VASN: variants seen among roughly 807,000 people sequenced by gnomAD.
VASN encodes the protein vasorin, also known as protein slit-like 2.
In VASN, 5 loss-of-function variants were observed where a neutral mutation model predicts 4.8. The ratio of observed to expected loss-of-function variants is 1.03; its 90% CI spans 0.54 to 2.17. VASN has a LOEUF of 2.17. Ranked by LOEUF, VASN falls within the 30% of genes most tolerant of loss-of-function variation. The pLI is 0.01. For synonymous variants in VASN, 499 were observed against 460.8 expected (o/e 1.08, Z -1.06); for missense variants, 927 against 948.8 (o/e 0.98, Z 0.30).
chr16:4,373,828 G>A (rs1452908848), intron 1 of VASN, among the ~76,000 whole-genome samples: 1 of 152,172 alleles, frequency 6.6e-6, no homozygotes, highest in African/African-American at 2.4e-5. Flanking sequence ...CAGACAGCCA[G>A]TCCTGCCAGT....
Position 4,381,445 on chromosome 16 carries a change from G to T in VASN, c.568G>T (p.Asp190Tyr). Residue 190 changes from aspartate to tyrosine, a missense_variant, in exon 2 of 2, where the codon GAC (aspartate) becomes TAC (tyrosine). Asp to Tyr is a radical substitution (Grantham distance 160). Transcript: ENST00000304735. The stretch of plus-strand genomic sequence containing the variant: ...CCTGGCCCTGGAGCCCGGCATCCTG[G>T]ACACTGCCAACGTGGAGGCGCTGCG... ...SLLALEPGIL[D>Y]TANVEALRLA... is the part of the protein sequence containing the mutation. 6.3e-7 allele frequency: 1 copy of T among 1,580,542 alleles called. No homozygotes were observed. Among genetic ancestry groups the T allele is most frequent in the East Asian group, 2.3e-5 (1 of 42,806 alleles).
chr16:4,375,298 C>T (rs563111822), intron 1 of VASN, among the ~76,000 whole-genome samples: 2 of 152,298 alleles, frequency 1.3e-5, no homozygotes, highest in South Asian at 2.1e-4. Context: ...GTGCCTGCCC[C>T]TCTCCCAGCC....
In VASN at chr16:4,381,415, A is replaced by T; in HGVS notation, c.538A>T (p.Ser180Cys). 4 of 1,584,626 alleles carry T rather than the reference A, an allele frequency of 2.5e-6. No individual in the cohort carries two copies. Among genetic ancestry groups the T allele is most frequent in the Non-Finnish European group, 3.4e-6 (4 of 1,167,564 alleles). ...RLLLLDLSHNSLLALEPGILD... is the reference protein window; with the variant it reads ...RLLLLDLSHNCLLALEPGILD... ...GCTGCTGCTGGACCTCAGCCACAACAGCCTCCTGGCCCTGGAGCCCGGCAT... is the reference window on the plus strand; with the variant it reads ...GCTGCTGCTGGACCTCAGCCACAACTGCCTCCTGGCCCTGGAGCCCGGCAT... Residue 180 changes from serine to cysteine, a missense_variant, in exon 2 of 2, where the codon AGC becomes TGC. Coordinates refer to ENST00000304735, the MANE Select transcript of VASN (RefSeq NM_138440.3).
chr16:4,380,596 G>A (rs915231779), intron 1 of VASN, among the ~76,000 whole-genome samples: 15 of 152,248 alleles, frequency 9.9e-5, no homozygotes, highest in African/African-American at 2.9e-4. Context: ...AGGAGGGCCT[G>A]GGGTTCAGGA....
At chr16:4,374,311 G>A (rs1430391114) in intron 1 of VASN, among the ~76,000 whole-genome samples, 4 of 152,062 alleles carry the variant, frequency 2.6e-5, no homozygotes, top group East Asian at 1.9e-4. Context: ...GCGCTGGGCC[G>A]CCGGCCTCCC....
At position 4,381,364 on chromosome 16, in the gene VASN, C is replaced by G. The variant is rs773248480; in HGVS notation, c.487C>G (p.Leu163Val). ...GCTGCAGGACAACGAGCTGCGGGCA[C>G]TGCCCCCGCTGCGCCTGCCCCGCCT... ...LKLQDNELRA[L>V]PPLRLPRLLL... The change falls in exon 2 of 2, where the codon CTG (leucine) becomes GTG (valine). Residue 163 changes from leucine (L) to valine (V), a missense_variant. Leu to Val is a conservative substitution (Grantham distance 32). Transcript: ENST00000304735. The G allele has an allele frequency of 1.3e-6, 2 of 1,589,756 alleles. No individual in the cohort carries two copies. The highest frequency in any genetic ancestry group is 2.3e-5 in the South Asian group (2 of 88,494).
At chr16:4,378,616 C>T (rs1475729480) in intron 1 of VASN, among the ~76,000 whole-genome samples, 1 of 152,202 alleles carries the variant, frequency 6.6e-6, no homozygotes, top group Middle Eastern at 3.4e-3. Context: ...TCATCAGACA[C>T]GAGCCCCCCT....
chr16:4,377,363 T>C, intron 1 of VASN, among the ~76,000 whole-genome samples: 1 of 116,274 alleles, frequency 8.6e-6, no homozygotes, highest in Non-Finnish European at 1.9e-5. Context: ...GGAGGGTGGG[T>C]GGGCGGCGGC....
intron 1 of VASN, among the ~76,000 whole-genome samples, chr16:4,376,662 C>T (rs2054742486): frequency 6.6e-6 from 1 of 152,138 alleles, no homozygotes; most frequent in Non-Finnish European, 1.5e-5. Context: ...GTGTGGTGTA[C>T]CCCAGAGGTG....
rs760886155 is a variant in VASN at position 4,381,528 on chromosome 16, C to T, written c.651C>T (p.Asn217=). 4.4e-6 allele frequency: 7 copies of T among 1,602,660 alleles called. No individual in the cohort carries two copies. In the East Asian group the frequency reaches 9.1e-5, roughly 21 times the overall value. ...AGGGGCTCTTCAGCCGCTTGCGCAA[C>T]CTCCACGACCTGGATGTGTCCGACA... The part of the protein sequence containing the change: ...LDEGLFSRLR[N]LHDLDVSDNQ... Residue 217 remains asparagine (N), a synonymous_variant, in exon 2 of 2, where the codon AAC becomes AAT. Transcript: ENST00000304735.
At position 4,381,842 on chromosome 16, in the gene VASN, G is replaced by A. The variant is rs1170121224; in HGVS notation, c.965G>A (p.Ser322Asn). 1 of 1,601,742 alleles carries A rather than the reference G, an allele frequency of 6.2e-7. No individual in the cohort carries two copies. The highest frequency in any genetic ancestry group is 8.5e-7 in the Non-Finnish European group (1 of 1,179,758). ...WVRESHVTLASPEETRCHFPP... is the reference protein window; with the variant it reads ...WVRESHVTLANPEETRCHFPP... Reference sequence around the variant, plus strand: ...CGCGAGAGCCACGTCACACTGGCCAGCCCTGAGGAGACGCGCTGCCACTTC... The same window carrying A: ...CGCGAGAGCCACGTCACACTGGCCAACCCTGAGGAGACGCGCTGCCACTTC... Residue 322 changes from serine to asparagine, a missense_variant, in exon 2 of 2, where the codon AGC becomes AAC. Physicochemically the swap from Ser to Asn is conservative, Grantham distance 46 (BLOSUM62 1). Transcript: ENST00000304735.
At chr16:4,377,782 A>C (rs9923395) in intron 1 of VASN, among the ~76,000 whole-genome samples, 110,317 of 152,048 alleles carry the variant, frequency 0.73, 40,489 homozygotes, top group East Asian at 0.8. Context: ...CCTCCCTTTG[A>C]TGTGGGGGTA....
rs763842704 is a variant in VASN, at chr16:4,382,444, A to G, written c.1567A>G (p.Thr523Ala). Residue 523 changes from threonine to alanine, a missense_variant, in exon 2 of 2, where the codon ACC (threonine) becomes GCC (alanine). Transcript: ENST00000304735. ...TGCCTCGCTCGCTGAGTACACGGTC[A>G]CCCAGCTGCGGCCCAACGCCACTTA... The part of the protein sequence containing the change: ...LPASLAEYTV[T>A]QLRPNATYSV... The G allele has an allele frequency of 6.2e-7, 1 of 1,609,750 alleles. No homozygotes were observed. Among genetic ancestry groups the G allele is most frequent in the East Asian group, 2.2e-5 (1 of 44,768 alleles).
At chr16:4,373,822 C>A (rs1205868550) in intron 1 of VASN, among the ~76,000 whole-genome samples, 1 of 152,164 alleles carries the variant, frequency 6.6e-6, no homozygotes, top group African/African-American at 2.4e-5. Context: ...GCAGGCCAGA[C>A]AGCCAGTCCT....
chr16:4,372,789 C>G (rs768634590), intron 1 of VASN, among the ~76,000 whole-genome samples: 2 of 152,208 alleles, frequency 1.3e-5, no homozygotes, highest in Admixed American at 1.3e-4. Flanking sequence ...ACACCAGGGT[C>G]ACTGACCGCC....
At position 4,371,886 on chromosome 16, in the gene VASN, T is replaced by C. The variant is rs991828729; in HGVS notation, c.-117T>C. 2 of 152,010 alleles carry C rather than the reference T, an allele frequency of 1.3e-5. No individual in the cohort carries two copies. Among genetic ancestry groups the C allele is most frequent in the African/African-American group, 4.8e-5 (2 of 41,382 alleles). The allele number at this position is 152,010 out of a possible 1,614,324, so 9.4% of individuals were successfully genotyped here. A position where few individuals can be genotyped will look rare whatever the true frequency, so the allele number is the denominator to read the frequency against. On this transcript the variant is annotated 5_prime_UTR_variant, in exon 1 of 2. Coordinates refer to ENST00000304735, the MANE Select transcript of VASN (RefSeq NM_138440.3). ...GAGCCCGGGGCGGGTGGACGCGGAC[T>C]CGAACGCAGTTGCTTCGGGACCCAG...
Position 4,371,948 on chromosome 16 carries a change from G to A in VASN, c.-55G>A, listed in dbSNP as rs1419491299. ...GCCCGACCCGCCAGGAAAGACTGAGGCCGCGGCCTGCCCCGCCCGGCTCCC... is the reference window on the plus strand; with the variant it reads ...GCCCGACCCGCCAGGAAAGACTGAGACCGCGGCCTGCCCCGCCCGGCTCCC... On this transcript the variant is annotated 5_prime_UTR_variant, in exon 1 of 2. Transcript: ENST00000304735. The A allele has an allele frequency of 1.3e-5, 2 of 152,358 alleles. No individual in the cohort carries two copies. The highest frequency in any genetic ancestry group is 1.5e-5 in the Non-Finnish European group (1 of 68,118). 9.4% of individuals were successfully genotyped at this position (152,358 alleles called of 1,614,324 possible).
Position 4,381,759 on chromosome 16 carries a change from A to C in VASN, c.882A>C (p.Ala294=). The part of the protein sequence containing the change: ...SGLFPRLRLL[A]AARNPFNCVC... ...TCTTCCCCCGCCTGCGGCTGCTGGC[A>C]GCTGCCCGCAACCCCTTCAACTGCG... is the stretch of plus-strand genomic sequence containing the variant. Residue 294 remains alanine (A), a synonymous_variant, in exon 2 of 2, where the codon GCA becomes GCC. Coordinates refer to ENST00000304735, the MANE Select transcript of VASN (RefSeq NM_138440.3). 1 of 1,602,564 alleles carries C rather than the reference A, an allele frequency of 6.2e-7. No homozygotes were observed. Among genetic ancestry groups the C allele is most frequent in the Non-Finnish European group, 8.5e-7 (1 of 1,179,358 alleles).
At chr16:4,375,710 G>A (rs915373091) in intron 1 of VASN, among the ~76,000 whole-genome samples, 2 of 152,172 alleles carry the variant, frequency 1.3e-5, no homozygotes, top group Non-Finnish European at 2.9e-5. Flanking sequence ...GGATGGTCTC[G>A]ATCTCCTGAC....
Sources: gnomAD v4.1 joint callset for allele counts (sites outside exome capture counted in the v4.1 genomes callset) on GRCh38, gnomAD v4.1.1 for gene constraint, MANE v1.5 for transcripts, NCBI Gene and HGNC (gene_info 2026-07-23, HGNC 2026-07-21) for gene names.